The following RPRD2 variants were observed in gnomAD, a reference collection of about 807,000 sequenced individuals.
RPRD2 encodes regulation of nuclear pre-mRNA domain-containing protein 2.
RPRD2 carries 12 observed loss-of-function variants against 104.4 expected under a neutral mutation model. The ratio of observed to expected loss-of-function variants is 0.11; its 90% CI spans 0.07 to 0.19. The LOEUF is 0.19. Ranked by LOEUF, RPRD2 falls within the 10% of genes least tolerant of loss-of-function variation. The pLI is 1.00. For missense variants in RPRD2, 1,543 were observed against 1,790.1 expected (o/e 0.86, Z 2.49); for synonymous variants, 714 against 684.9 (o/e 1.04, Z -0.66).
In RPRD2 at chr1:150,387,567, C is replaced by CTTTTTTTTTTTTTTT. The variant is rs562476167; in HGVS notation, c.205+22675_205+22689dup. Among the ~76,000 whole-genome samples the CTTTTTTTTTTTTTTT allele has an allele frequency of 4.6e-4, 34 of 73,786 alleles. 3 individuals carry two copies. The highest frequency in any genetic ancestry group is 5.9e-4 in the Non-Finnish European group (24 of 40,538). The allele number at this position is 73,786 out of a possible 152,430, so 48.4% of individuals were successfully genotyped here. A position where few individuals can be genotyped will look rare whatever the true frequency, so the allele number is the denominator to read the frequency against. On this transcript the variant is annotated intron_variant, in intron 1 of 10. Coordinates refer to ENST00000369068, the MANE Select transcript of RPRD2 (RefSeq NM_015203.5). ...AAATCTTACAGAAGTTGCAACAGAC[C>CTTTTTTTTTTTTTTT]TTTTTTTTTTTTTTTTTTTTTTTTT...
At chr1:150,366,345 A>G (rs1659841374) in intron 1 of RPRD2, among the ~76,000 whole-genome samples, 1 of 152,206 alleles carries the variant, frequency 6.6e-6, no homozygotes, top group Admixed American at 6.5e-5. Flanking sequence ...CATGCTTCGA[A>G]CTATTTGTGT....
intron 8 of RPRD2, among the ~76,000 whole-genome samples, chr1:150,457,996 G>A (rs7523428): frequency 0.31 from 47,407 of 151,984 alleles, 8,451 homozygotes; most frequent in Non-Finnish European, 0.4. Context: ...GCTTGAACCT[G>A]AGAGAGGGGT....
chr1:150,376,942 G>A (rs148424403), intron 1 of RPRD2, among the ~76,000 whole-genome samples: 2,960 of 151,492 alleles, frequency 0.02, 86 homozygotes, highest in African/African-American at 0.067. Context: ...CGGGCGCTGT[G>A]GCTCACGCCT....
intron 2 of RPRD2, among the ~76,000 whole-genome samples, chr1:150,426,087 T>C (rs1158620737): frequency 6.6e-6 from 1 of 152,004 alleles, no homozygotes; most frequent in East Asian, 1.9e-4. Flanking sequence ...AGCGACAGAG[T>C]GAGACCCTGT....
At position 150,443,277 on chromosome 1, in the gene RPRD2, A is replaced by G. The variant is rs1666528360; in HGVS notation, c.561A>G (p.Glu187=). Residue 187 remains glutamate, a synonymous_variant, in exon 5 of 11, where the codon GAA becomes GAG. Transcript: ENST00000369068. ...CTCTCAAGTCTAAGATAGTTGCTGAATTTCGAGTAAGTTACAGAATTTGTT... is the reference window on the plus strand; with the variant it reads ...CTCTCAAGTCTAAGATAGTTGCTGAGTTTCGAGTAAGTTACAGAATTTGTT... ...KAALKSKIVA[E]FRSQALIEEL... 6 of 1,569,956 alleles carry G rather than the reference A, an allele frequency of 3.8e-6. No individual in the cohort carries two copies. Among genetic ancestry groups the G allele is most frequent in the Non-Finnish European group, 4.3e-6 (5 of 1,155,538 alleles).
chr1:150,449,238 T>TAAA (rs1666996921), intron 7 of RPRD2, among the ~76,000 whole-genome samples: 1 of 152,242 alleles, frequency 6.6e-6, no homozygotes, highest in South Asian at 2.1e-4. Flanking sequence ...TTTAATACAG[T>TAAA]AAATTTCCTT....
Position 150,364,585 on chromosome 1 carries a change from C to T in RPRD2, c.-130C>T. On this transcript the variant is annotated 5_prime_UTR_variant, in exon 1 of 11. Transcript: ENST00000369068. Reference sequence around the variant, plus strand: ...CCTCCAGAAGAGCCCAGCGCGTGCACCATCCCCACCCCCTAGCTTCCCTCC... The same window carrying T: ...CCTCCAGAAGAGCCCAGCGCGTGCATCATCCCCACCCCCTAGCTTCCCTCC... 4 of 606,114 alleles carry T rather than the reference C, an allele frequency of 6.6e-6. No homozygotes were observed. Among genetic ancestry groups the T allele is most frequent in the Admixed American group, 3.1e-5 (1 of 32,146 alleles). 37.5% of individuals were successfully genotyped at this position (606,114 alleles called of 1,614,324 possible).
Position 150,417,691 on chromosome 1 carries a change from G to A in RPRD2, c.301G>A (p.Ala101Thr). The part of the protein sequence containing the change: ...KNAIIFRESF[A>T]DVLPEAAALV... ...TGCAATCATATTCCGTGAATCATTT[G>A]CTGATGTACTTCCTGAAGCAGCTGC... Residue 101 changes from alanine (A) to threonine (T), a missense_variant, in exon 2 of 11, where the codon GCT becomes ACT. Ala to Thr is a moderately conservative substitution (Grantham distance 58). Around this residue, in one of 4 missense-constraint regions of RPRD2, gnomAD observed 572 missense variants for 787.3 expected, o/e 0.73. Transcript: ENST00000369068. 6.2e-7 allele frequency: 1 copy of A among 1,607,242 alleles called. No individual in the cohort carries two copies. Among genetic ancestry groups the A allele is most frequent in the Non-Finnish European group, 8.5e-7 (1 of 1,175,474 alleles).
chr1:150,366,333 C>T (rs1275419015), intron 1 of RPRD2, among the ~76,000 whole-genome samples: 3 of 152,136 alleles, frequency 2.0e-5, no homozygotes, highest in Non-Finnish European at 4.4e-5. Flanking sequence ...AATTATAGGC[C>T]CCATGCTTCG....
In RPRD2 at chr1:150,365,034, T is replaced by G. The variant is rs16836428; in HGVS notation, c.205+115T>G. 649 of 1,075,732 alleles carry G rather than the reference T, an allele frequency of 6.0e-4. 3 individuals are homozygous for G. In the African/African-American group the frequency reaches 9.3e-3, roughly 15 times the overall value. The allele number at this position is 1,075,732 out of a possible 1,614,324, so 66.6% of individuals were successfully genotyped here. A position where few individuals can be genotyped will look rare whatever the true frequency, so the allele number is the denominator to read the frequency against. ...AGCATTTGGTTGGGGTTGTTCACAT[T>G]AAAGGTTTGACCCCAGTGGTCCCAA... On this transcript the variant is annotated intron_variant, in intron 1 of 10. Transcript: ENST00000369068.
At chr1:150,412,021 G>A (rs1481659692) in intron 1 of RPRD2, among the ~76,000 whole-genome samples, 2 of 151,790 alleles carry the variant, frequency 1.3e-5, no homozygotes, top group African/African-American at 4.8e-5. Context: ...TGCTGGAGAG[G>A]CTGAGGCACA....
At chr1:150,433,967 A>G (rs587737227) in intron 2 of RPRD2, among the ~76,000 whole-genome samples, 2 of 151,996 alleles carry the variant, frequency 1.3e-5, no homozygotes, top group East Asian at 3.9e-4. Context: ...TTTTTTAACC[A>G]AGAAGAAGCA....
intron 1 of RPRD2, among the ~76,000 whole-genome samples, chr1:150,413,457 G>C (rs1664092657): frequency 6.6e-6 from 1 of 152,020 alleles, no homozygotes; most frequent in South Asian, 2.1e-4. Context: ...AAAAAAATTA[G>C]CTGGGTGCGG....
intron 1 of RPRD2, among the ~76,000 whole-genome samples, chr1:150,410,924 G>A (rs1424564733): frequency 6.6e-6 from 1 of 152,162 alleles, no homozygotes; most frequent in Non-Finnish European, 1.5e-5. Flanking sequence ...GTACAGTGGG[G>A]CGATTGTGGC....
chr1:150,467,370 TTTTA>T (rs1668346712), intron 10 of RPRD2, among the ~76,000 whole-genome samples: 1 of 152,092 alleles, frequency 6.6e-6, no homozygotes, highest in Admixed American at 6.6e-5. Context: ...CCCTTTTTAT[TTTTA>T]TTTGTTTGTT....
intron 2 of RPRD2, among the ~76,000 whole-genome samples, chr1:150,439,734 G>T (rs896150974): frequency 2.0e-5 from 3 of 151,398 alleles, no homozygotes; most frequent in Non-Finnish European, 4.4e-5. Flanking sequence ...TATTAGAATG[G>T]TTTCTGTTCT....
At chr1:150,411,426 A>T (rs1238245723) in intron 1 of RPRD2, among the ~76,000 whole-genome samples, 1 of 140,004 alleles carries the variant, frequency 7.1e-6, no homozygotes. Flanking sequence ...GCGCCACTGC[A>T]CTCTAGCCTG....
chr1:150,368,514 A>C (rs1489635834), intron 1 of RPRD2, among the ~76,000 whole-genome samples: 2 of 140,570 alleles, frequency 1.4e-5, no homozygotes, highest in African/African-American at 5.4e-5. Context: ...CCCATGCTGG[A>C]GTATAATGGC....
At chr1:150,454,249 T>C (rs1553897160) in intron 7 of RPRD2, among the ~76,000 whole-genome samples, 1 of 152,226 alleles carries the variant, frequency 6.6e-6, no homozygotes, top group East Asian at 1.9e-4. Flanking sequence ...CTGCTTTTTT[T>C]CTTTTTATTT....
Sources: gnomAD v4.1 joint callset for allele counts (sites outside exome capture counted in the v4.1 genomes callset) on GRCh38, gnomAD v4.1.1 for gene constraint, gnomAD v4.1.1 regional missense constraint, MANE v1.5 for transcripts, NCBI Gene and HGNC (gene_info 2026-07-23, HGNC 2026-07-21) for gene names.